The following ACAP2 variants were observed in gnomAD, a reference collection of about 807,000 sequenced individuals.
The protein encoded by ACAP2 is ArfGAP with coiled-coil, ankyrin repeat and PH domains 2, also known as arf-GAP with coiled-coil, ANK repeat and PH domain-containing protein 2.
A neutral mutation model predicts 115.8 loss-of-function variants in ACAP2; 39 were observed. The observed-to-expected ratio is 0.34, with a 90% CI of 0.26 to 0.44. The LOEUF (loss-of-function observed/expected upper bound fraction) is 0.44. Among genes scored for constraint, ACAP2 ranks in the 20% least tolerant of loss-of-function variants. ACAP2 has a pLI of 1.00. For missense variants in ACAP2, 662 were observed against 927.6 expected, an observed-to-expected ratio of 0.71 and a Z score of 3.72; for synonymous variants, 289 against 315.8, an observed-to-expected ratio of 0.92 and a Z score of 0.90.
chr3:195,410,522 C>G (rs377510999), intron 1 of ACAP2, among the ~76,000 whole-genome samples: 25 of 152,220 alleles, frequency 1.6e-4, no homozygotes, highest in African/African-American at 5.8e-4. Flanking sequence ...GGATTAATAT[C>G]CAGATTACAC....
chr3:195,318,352 T>C (rs977661428), intron 10 of ACAP2, among the ~76,000 whole-genome samples: 3 of 151,818 alleles, frequency 2.0e-5, no homozygotes, highest in Admixed American at 6.6e-5. Context: ...CAGGCAGAGG[T>C]TGGAACAGTT....
intron 5 of ACAP2, among the ~76,000 whole-genome samples, chr3:195,344,238 A>G (rs188442542): frequency 6.6e-6 from 1 of 152,138 alleles, no homozygotes; most frequent in African/African-American, 2.4e-5. Flanking sequence ...AAAGAAAAAA[A>G]CAAAAGAAAA....
chr3:195,434,367 G>C (rs115808954), intron 1 of ACAP2, among the ~76,000 whole-genome samples: 3,885 of 152,196 alleles, frequency 0.026, 145 homozygotes, highest in African/African-American at 0.085. Context: ...CAAGTAGTTG[G>C]AACCACAGAC....
intron 1 of ACAP2, chr3:195,412,767 G>C: frequency 5.7e-6 from 2 of 348,378 alleles, no homozygotes; most frequent in Non-Finnish European, 1.2e-5. Flanking sequence ...GAAATAAGTA[G>C]TAATTTAAAA....
At chr3:195,390,783 T>C (rs1734618449) in intron 2 of ACAP2, among the ~76,000 whole-genome samples, 1 of 152,200 alleles carries the variant, frequency 6.6e-6, no homozygotes, top group Non-Finnish European at 1.5e-5. Flanking sequence ...ATTATTAAAC[T>C]AGAAAATTAT....
intron 18 of ACAP2, 56 bp from the exon 19 acceptor site, chr3:195,292,508 AAAT>A (rs1443557881): frequency 1.5e-5 from 22 of 1,504,310 alleles, no homozygotes; most frequent in Non-Finnish European, 1.9e-5. Flanking sequence ...GAAAAAGAAA[AAAT>A]TATTTAATAG....
intron 9 of ACAP2, among the ~76,000 whole-genome samples, chr3:195,324,740 C>CCAAAA (rs2108610420): frequency 6.6e-6 from 1 of 150,984 alleles, no homozygotes; most frequent in East Asian, 1.9e-4. Context: ...GGCGACAGGA[C>CCAAAA]CAAAATAAAA....
intron 15 of ACAP2, among the ~76,000 whole-genome samples, chr3:195,299,635 G>A (rs367665136): frequency 2.6e-5 from 4 of 151,714 alleles, no homozygotes; most frequent in Non-Finnish European, 5.9e-5. Flanking sequence ...TCAGGAGATC[G>A]AGACCAACCT....
chr3:195,396,711 C>T (rs781735849), intron 1 of ACAP2, among the ~76,000 whole-genome samples: 7 of 134,686 alleles, frequency 5.2e-5, no homozygotes, highest in South Asian at 5.2e-4. Flanking sequence ...TGCTTGAACC[C>T]GGGAGGCAGA....
At chr3:195,306,883 T>C (rs2108984406) in intron 12 of ACAP2, 3 of 295,218 alleles carry the variant, frequency 1.0e-5, no homozygotes, top group East Asian at 8.7e-5. Flanking sequence ...AAATTTACCA[T>C]ATAAATATAG....
intron 13 of ACAP2, among the ~76,000 whole-genome samples, chr3:195,304,189 A>AAAAAAAAAAAAAAAAAC (rs1560221414): frequency 6.7e-6 from 1 of 150,366 alleles, no homozygotes; most frequent in Non-Finnish European, 1.5e-5. Flanking sequence ...AAAAAAAAAA[A>AAAAAAAAAAAAAAAAAC]AAAAAACTTC....
chr3:195,432,893 T>C (rs1577476842), intron 1 of ACAP2, among the ~76,000 whole-genome samples: 1 of 152,236 alleles, frequency 6.6e-6, no homozygotes, highest in Non-Finnish European at 1.5e-5. Context: ...TCTAAGTACT[T>C]TCCTCTTTTT....
intron 2 of ACAP2, among the ~76,000 whole-genome samples, chr3:195,391,035 T>A (rs953136007): frequency 1.3e-5 from 2 of 152,104 alleles, no homozygotes; most frequent in African/African-American, 2.4e-5. Flanking sequence ...AATATGACCA[T>A]ACAGATTACT....
chr3:195,429,252 G>A (rs1259487002), intron 1 of ACAP2, among the ~76,000 whole-genome samples: 3 of 151,998 alleles, frequency 2.0e-5, no homozygotes, highest in Non-Finnish European at 4.4e-5. Context: ...GTCGGGTGTG[G>A]TGGTGTGTGC....
At chr3:195,358,344 C>A (rs1732126693) in intron 4 of ACAP2, among the ~76,000 whole-genome samples, 1 of 152,086 alleles carries the variant, frequency 6.6e-6, no homozygotes, top group African/African-American at 2.4e-5. Flanking sequence ...TATCCACTAG[C>A]ATCAAGACCA....
intron 5 of ACAP2, among the ~76,000 whole-genome samples, chr3:195,344,682 C>G (rs889034771): frequency 1.3e-5 from 2 of 152,046 alleles, no homozygotes; most frequent in African/African-American, 4.8e-5. Context: ...CACCCCGCCC[C>G]GCTAATTTTG....
At chr3:195,429,889 G>A (rs1714977325) in intron 1 of ACAP2, among the ~76,000 whole-genome samples, 2 of 152,140 alleles carry the variant, frequency 1.3e-5, no homozygotes, top group Admixed American at 1.3e-4. Context: ...TATGGCACAA[G>A]GGAGAGTAAG....
At chr3:195,290,848 A>ATAAATAAT (rs1346070930) in intron 20 of ACAP2, among the ~76,000 whole-genome samples, 11 of 43,572 alleles carry the variant, frequency 2.5e-4, no homozygotes, top group Non-Finnish European at 4.5e-4. Flanking sequence ...AAATAAATAA[A>ATAAATAAT]TAATAAATAA....
At position 195,297,176 on chromosome 3, in the gene ACAP2, A is replaced by T; in HGVS notation, c.1487+14T>A. On this transcript the variant is annotated intron_variant, in intron 16 of 22. Transcript: ENST00000326793. ...ATATTCCTAATTAGGGGGAAAAAAC[A>T]ACTGAAATAGTACCTTTGTCCTGGT... is the stretch of plus-strand genomic sequence containing the variant. The T allele has an allele frequency of 2.5e-6, 4 of 1,605,764 alleles. No individual in the cohort carries two copies. The highest frequency in any genetic ancestry group is 3.4e-6 in the Non-Finnish European group (4 of 1,174,926).
Sources: allele counts gnomAD v4.1 joint callset (sites outside exome capture counted in the v4.1 genomes callset), GRCh38; gene constraint gnomAD v4.1.1; transcripts MANE v1.5; gene names NCBI Gene and HGNC (gene_info 2026-07-23, HGNC 2026-07-21).